The following IKZF3 variants were observed in gnomAD, a reference collection of about 807,000 sequenced individuals.
IKZF3 encodes the protein zinc finger protein Aiolos.
IKZF3 carries 10 observed loss-of-function variants against 49.0 expected under a neutral mutation model. The ratio of observed to expected loss-of-function variants is 0.20; its 90% CI spans 0.13 to 0.35. The LOEUF (loss-of-function observed/expected upper bound fraction) is 0.35. Ranked by LOEUF, IKZF3 falls within the 10% of genes least tolerant of loss-of-function variation. The pLI, the probability that IKZF3 is intolerant of heterozygous loss-of-function variation, is 1.00. For synonymous variants in IKZF3, 209 were observed against 228.2 expected (o/e 0.92, Z 0.76); for missense variants, 498 against 664.8 (o/e 0.75, Z 2.76).
chr17:39,823,361 G>C (rs143599169), intron 3 of IKZF3, among the ~76,000 whole-genome samples: 1 of 152,182 alleles, frequency 6.6e-6, no homozygotes, highest in African/African-American at 2.4e-5. Context: ...AAGCAGCAAA[G>C]CGTTCAAGAG....
intron 1 of IKZF3, among the ~76,000 whole-genome samples, chr17:39,841,050 G>A (rs983700661): frequency 1.3e-5 from 2 of 152,126 alleles, no homozygotes; most frequent in Non-Finnish European, 2.9e-5. Context: ...GTTGGCATGA[G>A]CCTGTAGTCC....
chr17:39,759,668 C>T lies in IKZF3; in HGVS notation c.*6122G>A, dbSNP rs868384851. On this transcript the variant is annotated 3_prime_UTR_variant, in exon 8 of 8. Coordinates refer to ENST00000346872, the MANE Select transcript of IKZF3 (RefSeq NM_012481.5). ...TGGCTTATTCTCAGAACCATTCAGT[C>T]GTGCTGCCTTGGAGAACAGAGTCCT... 6.6e-6 allele frequency: 1 copy of T among 152,244 alleles called. No homozygotes were observed. 9.4% of individuals were successfully genotyped at this position (152,244 alleles called of 1,614,324 possible). A position where few individuals can be genotyped will look rare whatever the true frequency, so the allele number is the denominator to read the frequency against.
At chr17:39,807,530 C>T (rs1356523233) in intron 3 of IKZF3, among the ~76,000 whole-genome samples, 1 of 142,010 alleles carries the variant, frequency 7.0e-6, no homozygotes, top group East Asian at 2.1e-4. Flanking sequence ...TCCTGAGTAG[C>T]TGGGACTATT....
chr17:39,847,421 C>T (rs899820550), intron 1 of IKZF3, among the ~76,000 whole-genome samples: 6 of 152,096 alleles, frequency 3.9e-5, no homozygotes, highest in Admixed American at 3.9e-4. Flanking sequence ...TTGAACACTT[C>T]GAATAATACA....
intron 6 of IKZF3, among the ~76,000 whole-genome samples, chr17:39,783,864 G>A (rs2060806406): frequency 6.6e-6 from 1 of 152,218 alleles, no homozygotes; most frequent in Admixed American, 6.5e-5. Context: ...AGAAGGCGGA[G>A]GTTGCGGTGA....
chr17:39,802,233 A>G (rs1324224092), intron 3 of IKZF3, among the ~76,000 whole-genome samples: 1 of 151,016 alleles, frequency 6.6e-6, no homozygotes, highest in Non-Finnish European at 1.5e-5. Flanking sequence ...AAAAAAAAAA[A>G]AAAAAAAAAA....
intron 3 of IKZF3, among the ~76,000 whole-genome samples, chr17:39,805,623 T>C (rs1001113020): frequency 1.3e-5 from 2 of 152,204 alleles, no homozygotes; most frequent in Admixed American, 6.5e-5. Context: ...CACTGAGAAA[T>C]AATAGAAGAA....
intron 7 of IKZF3, among the ~76,000 whole-genome samples, chr17:39,775,977 T>G (rs2060575806): frequency 6.6e-6 from 1 of 152,106 alleles, no homozygotes; most frequent in Non-Finnish European, 1.5e-5. Context: ...TTACATTTTT[T>G]TCTTGCCCAG....
chr17:39,824,588 T>G (rs1204371171), intron 3 of IKZF3, among the ~76,000 whole-genome samples: 1 of 152,080 alleles, frequency 6.6e-6, no homozygotes, highest in Non-Finnish European at 1.5e-5. Flanking sequence ...CCACGTGTTG[T>G]GAGAAGGACC....
At chr17:39,787,842 C>G (rs2060909877) in intron 6 of IKZF3, among the ~76,000 whole-genome samples, 1 of 152,244 alleles carries the variant, frequency 6.6e-6, no homozygotes. Context: ...TTTACAATGG[C>G]CTGCAAGGCC....
At chr17:39,849,052 A>C (rs576210098) in intron 1 of IKZF3, among the ~76,000 whole-genome samples, 1 of 152,334 alleles carries the variant, frequency 6.6e-6, no homozygotes, top group South Asian at 2.1e-4. Flanking sequence ...ATCTTCATTA[A>C]AATTAAGAAT....
intron 1 of IKZF3, among the ~76,000 whole-genome samples, chr17:39,841,182 A>T (rs1568048801): frequency 3.3e-5 from 5 of 151,932 alleles, no homozygotes; most frequent in Non-Finnish European, 7.4e-5. Context: ...CTGGAACAAA[A>T]AAAAAAAGGC....
intron 2 of IKZF3, among the ~76,000 whole-genome samples, chr17:39,830,218 C>A (rs1248033587): frequency 6.6e-6 from 1 of 152,216 alleles, no homozygotes; most frequent in East Asian, 1.9e-4. Context: ...GATCTGTAAG[C>A]TTTCTGTATG....
At chr17:39,804,439 C>CT (rs2061391019) in intron 3 of IKZF3, among the ~76,000 whole-genome samples, 1 of 146,718 alleles carries the variant, frequency 6.8e-6, no homozygotes, top group African/African-American at 2.6e-5. Flanking sequence ...GAGCGAGACT[C>CT]TGTCTCAAAA....
intron 7 of IKZF3, among the ~76,000 whole-genome samples, chr17:39,776,341 C>G (rs1307820727): frequency 6.6e-6 from 1 of 152,212 alleles, no homozygotes; most frequent in Non-Finnish European, 1.5e-5. Flanking sequence ...AACCTCTTCA[C>G]ATAAGTAAAG....
intron 2 of IKZF3, among the ~76,000 whole-genome samples, chr17:39,831,638 T>G (rs1013703424): frequency 6.6e-6 from 1 of 152,038 alleles, no homozygotes; most frequent in Non-Finnish European, 1.5e-5. Context: ...GTAGGAATGG[T>G]TTTTACATTT....
chr17:39,861,182 A>G (rs2063205976), intron 1 of IKZF3, among the ~76,000 whole-genome samples: 1 of 152,216 alleles, frequency 6.6e-6, no homozygotes, highest in Non-Finnish European at 1.5e-5. Flanking sequence ...TGTTCTCCAG[A>G]AGCTTAAAGA....
chr17:39,791,678 A>G, intron 4 of IKZF3, 95 bp from the exon 5 acceptor site: 2 of 1,259,978 alleles, frequency 1.6e-6, no homozygotes, highest in Non-Finnish European at 1.1e-6. Flanking sequence ...CATCTTTTAG[A>G]CAATTACTGT....
chr17:39,846,922 G>GTAT (rs1440267114), intron 1 of IKZF3, among the ~76,000 whole-genome samples: 4 of 151,936 alleles, frequency 2.6e-5, no homozygotes, highest in Non-Finnish European at 5.9e-5. Flanking sequence ...TTTGCCAGCT[G>GTAT]TCAGGCACCA....
Sources: allele counts gnomAD v4.1 joint callset (sites outside exome capture counted in the v4.1 genomes callset), GRCh38; gene constraint gnomAD v4.1.1; transcripts MANE v1.5; gene names NCBI Gene and HGNC (gene_info 2026-07-23, HGNC 2026-07-21).